RBFOX1: variants seen among roughly 807,000 people sequenced by gnomAD.
The protein encoded by RBFOX1 is RNA binding protein fox-1 homolog 1.
In RBFOX1, 8 loss-of-function variants were observed where a neutral mutation model predicts 57.7. The observed-to-expected ratio is 0.14, with a 90% CI of 0.08 to 0.25. The LOEUF is 0.25. Ranked by LOEUF, RBFOX1 falls within the 10% of genes least tolerant of loss-of-function variation. RBFOX1 has a pLI of 1.00. For missense variants in RBFOX1, 611 were observed against 548.5 expected, an observed-to-expected ratio of 1.11 and a Z score of -1.14; for synonymous variants, 326 against 222.4, an observed-to-expected ratio of 1.47 and a Z score of -4.15.
At chr16:7,238,813 C>G (rs974287147) in intron 4 of RBFOX1, among the ~76,000 whole-genome samples, 2 of 152,136 alleles carry the variant, frequency 1.3e-5, no homozygotes, top group Non-Finnish European at 2.9e-5. Flanking sequence ...TGCCAAGAGA[C>G]CCCAGTGTGT....
At chr16:5,624,579 G>C (rs1389594412) in intron 3 of RBFOX1, among the ~76,000 whole-genome samples, 2 of 152,206 alleles carry the variant, frequency 1.3e-5, no homozygotes, top group Non-Finnish European at 2.9e-5. Context: ...TAAAGCACAG[G>C]TTCATGTTCC....
chr16:5,492,893 A>G (rs983776963), intron 2 of RBFOX1, among the ~76,000 whole-genome samples: 5 of 152,216 alleles, frequency 3.3e-5, no homozygotes, highest in East Asian at 1.9e-4. Context: ...AAATCTGACT[A>G]TGATGTTCTT....
chr16:6,694,420 G>C (rs1225031931), intron 3 of RBFOX1, among the ~76,000 whole-genome samples: 1 of 152,086 alleles, frequency 6.6e-6, no homozygotes, highest in African/African-American at 2.4e-5. Context: ...AAAACTGGTT[G>C]GTCTTACCAT....
chr16:7,557,093 C>G (rs145349027), intron 5 of RBFOX1, among the ~76,000 whole-genome samples: 42 of 152,112 alleles, frequency 2.8e-4, no homozygotes, highest in African/African-American at 1.0e-3. Context: ...TGCTGTGAGT[C>G]CACAGAGCGA....
In RBFOX1 at chr16:7,210,738, T is replaced by C. The variant is rs552664824; in HGVS notation, c.27+158640T>C. 1.6e-4 allele frequency among the ~76,000 whole-genome samples: 24 copies of C among 152,196 alleles called. No individual in the cohort carries two copies. In the South Asian group the frequency reaches 5.0e-3, roughly 32 times the overall value. ...CCAATTATCATTCTCATAGTATCAATAAGGGGGTTCAGGGAGGTTAAATGA... is the reference window on the plus strand; with the variant it reads ...CCAATTATCATTCTCATAGTATCAACAAGGGGGTTCAGGGAGGTTAAATGA... On this transcript the variant is annotated intron_variant, in intron 4 of 15. Coordinates refer to ENST00000550418, the MANE Select transcript of RBFOX1 (RefSeq NM_018723.4).
intron 1 of RBFOX1, among the ~76,000 whole-genome samples, chr16:5,420,226 G>C (rs1275622949): frequency 6.6e-6 from 1 of 152,164 alleles, no homozygotes; most frequent in Non-Finnish European, 1.5e-5. Flanking sequence ...AACAAACAAG[G>C]TGGATTTATG....
At chr16:7,211,018 A>C (rs974176615) in intron 4 of RBFOX1, among the ~76,000 whole-genome samples, 1 of 151,178 alleles carries the variant, frequency 6.6e-6, no homozygotes, top group African/African-American at 2.4e-5. Flanking sequence ...TAATCACTTC[A>C]CTCTGTATGT....
intron 5 of RBFOX1, among the ~76,000 whole-genome samples, chr16:7,568,275 G>C (rs1205161570): frequency 6.6e-6 from 1 of 152,164 alleles, no homozygotes; most frequent in Non-Finnish European, 1.5e-5. Context: ...ATTAAACAAG[G>C]GGTGGATTAT....
At position 5,745,708 on chromosome 16, in the gene RBFOX1, T is replaced by C. The variant is rs1169592076; in HGVS notation, c.319-121595T>C. 2.0e-5 allele frequency among the ~76,000 whole-genome samples: 3 copies of C among 152,082 alleles called. No individual in the cohort carries two copies. The East Asian group carries it at 5.8e-4, about 29-fold the overall frequency. The stretch of plus-strand genomic sequence containing the variant: ...TGATGGCCAGTGATGATGAGCATTT[T>C]TTCATGTGTCTTTTGGCTGCATAAA... On this transcript the variant is annotated intron_variant, in intron 3 of 19. Transcript: ENST00000641259.
intron 9 of RBFOX1, among the ~76,000 whole-genome samples, chr16:7,598,670 A>G (rs2094841296): frequency 6.6e-6 from 1 of 152,286 alleles, no homozygotes; most frequent in East Asian, 1.9e-4. Flanking sequence ...GTGTTCATTT[A>G]TAGTATTCAT....
At chr16:5,369,776 T>C (rs1424762646) in intron 1 of RBFOX1, among the ~76,000 whole-genome samples, 1 of 152,172 alleles carries the variant, frequency 6.6e-6, no homozygotes, top group Non-Finnish European at 1.5e-5. Context: ...CTCTACTCAT[T>C]AGGAAAGCAG....
chr16:7,045,812 C>T (rs765140670), intron 3 of RBFOX1, among the ~76,000 whole-genome samples: 6 of 152,064 alleles, frequency 3.9e-5, no homozygotes, highest in Non-Finnish European at 8.8e-5. Context: ...CATTCCACCA[C>T]GTGTGGCTAA....
intron 5 of RBFOX1, among the ~76,000 whole-genome samples, chr16:7,523,523 G>A (rs1031955121): frequency 7.2e-5 from 11 of 152,254 alleles, no homozygotes; most frequent in Non-Finnish European, 1.5e-4. Context: ...ATGGATGCCC[G>A]AATTTGGAGA....
At chr16:6,689,895 G>C (rs34326404) in intron 3 of RBFOX1, among the ~76,000 whole-genome samples, 10,795 of 152,248 alleles carry the variant, frequency 0.071, 475 homozygotes, top group African/African-American at 0.12. Context: ...TCATGCTTGT[G>C]AGTGTGTGCT....
At chr16:7,268,790 T>C (rs1445202403) in intron 4 of RBFOX1, among the ~76,000 whole-genome samples, 1 of 151,988 alleles carries the variant, frequency 6.6e-6, no homozygotes, top group African/African-American at 2.4e-5. Context: ...TCACAGCACT[T>C]TGGGAGGCCG....
chr16:7,199,497 A>C (rs2087719864), intron 4 of RBFOX1, among the ~76,000 whole-genome samples: 1 of 152,222 alleles, frequency 6.6e-6, no homozygotes. Flanking sequence ...GTTTTAACAC[A>C]GCCAAACACC....
At chr16:7,071,402 C>T (rs79213738) in intron 4 of RBFOX1, among the ~76,000 whole-genome samples, 1,543 of 152,012 alleles carry the variant, frequency 0.01, 29 homozygotes, top group African/African-American at 0.035. Context: ...GTATTATTAC[C>T]CCTCCTAGCC....
chr16:5,287,779 C>T (rs1282958736), intron 1 of RBFOX1, among the ~76,000 whole-genome samples: 1 of 152,062 alleles, frequency 6.6e-6, no homozygotes, highest in African/African-American at 2.4e-5. Flanking sequence ...TTCCAGTGGC[C>T]AAAGCTAGAC....
At chr16:6,708,749 G>A (rs1003345678) in intron 3 of RBFOX1, among the ~76,000 whole-genome samples, 14 of 152,122 alleles carry the variant, frequency 9.2e-5, no homozygotes, top group Non-Finnish European at 1.3e-4. Context: ...CAACTCAGGC[G>A]TCCCTTCGAC....
Sources: allele counts gnomAD v4.1 joint callset (sites outside exome capture counted in the v4.1 genomes callset), GRCh38; gene constraint gnomAD v4.1.1; transcripts MANE v1.5; gene names NCBI Gene and HGNC (gene_info 2026-07-23, HGNC 2026-07-21).